The following ISL2 variants were observed in gnomAD, a reference collection of about 807,000 sequenced individuals.
ISL2 encodes the protein ISL LIM homeobox 2, also known as insulin gene enhancer protein ISL-2.
Under a neutral mutation model 34.6 loss-of-function variants are expected in ISL2, and 17 were observed. The ratio of observed to expected loss-of-function variants is 0.49; its 90% CI spans 0.34 to 0.74. The LOEUF is 0.74. ISL2 is among the 30% of genes least tolerant of loss of function. The pLI is 0.01. For synonymous variants in ISL2, 232 were observed against 225.5 expected (o/e 1.03, Z -0.26); for missense variants, 469 against 515.2 (o/e 0.91, Z 0.87).
chr15:76,338,868 AAT>A, intron 3 of ISL2: 1 of 985,282 alleles, frequency 1.0e-6, no homozygotes, highest in Non-Finnish European at 1.2e-6. Context: ...TTCTTGGAGG[AAT>A]ATGTGTTATT....
chr15:76,341,151 T>G lies in ISL2; in HGVS notation c.813T>G (p.Thr271=), dbSNP rs1262205260. ...HSDKTSLQGL[T]GTPLVAGSPI... is the part of the protein sequence containing the mutation. ...CCCCGCAGAGCCTTCAGGGACTGAC[T>G]GGGACGCCCCTGGTGGCGGGCAGTC... The change falls in exon 5 of 6, where the codon ACT becomes ACG. Residue 271 remains threonine, a synonymous_variant. Transcript: ENST00000290759. 4 of 1,609,170 alleles carry G rather than the reference T, an allele frequency of 2.5e-6. No homozygotes were observed. The highest frequency in any genetic ancestry group is 3.3e-5 in the Admixed American group (2 of 59,840).
intron 3 of ISL2, chr15:76,338,769 G>A (rs2040171921): frequency 2.0e-6 from 2 of 985,328 alleles, no homozygotes; most frequent in African/African-American, 1.7e-5. Flanking sequence ...CCATGACCAG[G>A]AACATGCAGG....
intron 2 of ISL2, 36 bp downstream of exon 2, chr15:76,338,003 C>A: frequency 6.6e-7 from 1 of 1,517,762 alleles, no homozygotes; most frequent in Non-Finnish European, 8.9e-7. Flanking sequence ...GGCCACCGCG[C>A]GCAGGGGCCG....
At position 76,341,813 on chromosome 15, in the gene ISL2, T is replaced by G; in HGVS notation, c.1058T>G (p.Val353Gly). The G allele has an allele frequency of 6.2e-7, 1 of 1,613,506 alleles. No individual in the cohort carries two copies. Among genetic ancestry groups the G allele is most frequent in the Non-Finnish European group, 8.5e-7 (1 of 1,179,830 alleles). Residue 353 changes from valine (V) to glycine (G), a missense_variant, in exon 6 of 6, where the codon GTG becomes GGG. This residue lies in a region of ISL2 where 169 missense variants were observed against 154.2 expected (regional missense o/e 1.10). Coordinates refer to ENST00000290759, the MANE Select transcript of ISL2 (RefSeq NM_145805.3). ...SQLPDTPNSMVPSPVET is the reference protein window; with the variant it reads ...SQLPDTPNSMGPSPVET The stretch of plus-strand genomic sequence containing the variant: ...CTCCCGGACACCCCCAACAGTATGG[T>G]GCCGAGTCCCGTGGAGACGTGAGGG...
chr15:76,337,175 G>T (rs1351930278), intron 1 of ISL2, among the ~76,000 whole-genome samples: 1 of 151,014 alleles, frequency 6.6e-6, no homozygotes, highest in East Asian at 1.9e-4. Flanking sequence ...ACTTCGGGCT[G>T]CGAAATCTGC....
rs114256230 is a variant in ISL2, at chr15:76,337,043, T to C, written c.58+102T>C. 1.5e-3 allele frequency: 1,586 copies of C among 1,049,626 alleles called. 19 individuals carry two copies. The African/African-American group carries it at 0.019, about 13-fold the overall frequency. The allele number at this position is 1,049,626 out of a possible 1,614,324, so 65.0% of individuals were successfully genotyped here. A position where few individuals can be genotyped will look rare whatever the true frequency, so the allele number is the denominator to read the frequency against. On this transcript the variant is annotated intron_variant, in intron 1 of 5. Transcript: ENST00000290759. ...TTTAGTGGATTCTACAAGTGGCTTC[T>C]ATTTGTCAGAATAGTTTAGGAGAGG...
At position 76,341,190 on chromosome 15, in the gene ISL2, G is replaced by A; in HGVS notation, c.852G>A (p.Glu284=). The A allele has an allele frequency of 1.9e-6, 3 of 1,613,010 alleles. No individual in the cohort carries two copies. The highest frequency in any genetic ancestry group is 1.3e-5 in the African/African-American group (1 of 75,074). Residue 284 remains glutamate (E), a synonymous_variant, in exon 5 of 6, where the codon GAG becomes GAA. Coordinates refer to ENST00000290759, the MANE Select transcript of ISL2 (RefSeq NM_145805.3). ...PLVAGSPIRH[E]NAVQGSAVEV... is the part of the protein sequence containing the mutation. ...TGGCGGGCAGTCCCATCCGCCATGA[G>A]AACGCCGTGCAGGGCAGCGCAGTGG...
At chr15:76,339,890 G>C (rs1177603101) in intron 3 of ISL2, 1 of 1,052,600 alleles carries the variant, frequency 9.5e-7, no homozygotes, top group African/African-American at 1.7e-5. Context: ...CCAGAGTCCT[G>C]GGCAAGCCTC....
At chr15:76,340,017 C>T in intron 3 of ISL2, 2 of 1,299,400 alleles carry the variant, frequency 1.5e-6, no homozygotes, top group Admixed American at 3.8e-5. Flanking sequence ...CGGCCTGTCG[C>T]CGAGCTCCCG....
chr15:76,339,996 C>T, intron 3 of ISL2: 1 of 1,281,926 alleles, frequency 7.8e-7, no homozygotes, highest in Non-Finnish European at 9.9e-7. Context: ...GCAGCCACTC[C>T]CTCCCCGCAG....
In ISL2 at chr15:76,341,307, G is replaced by A; in HGVS notation, c.963+6G>A. ...AACCCGCCTTCCAACAGCTGGTGAGGCCCTGCCCTACCCGCCCCGACCTCG... is the reference window on the plus strand; with the variant it reads ...AACCCGCCTTCCAACAGCTGGTGAGACCCTGCCCTACCCGCCCCGACCTCG... On this transcript the variant is annotated splice_donor_region_variant and intron_variant, in intron 5 of 5. Transcript: ENST00000290759. 6.3e-7 allele frequency: 1 copy of A among 1,584,386 alleles called. No homozygotes were observed. Among genetic ancestry groups the A allele is most frequent in the Admixed American group, 1.7e-5 (1 of 57,290 alleles).
At chr15:76,339,950 C>G in intron 3 of ISL2, 1 of 1,158,068 alleles carries the variant, frequency 8.6e-7, no homozygotes, top group Non-Finnish European at 1.1e-6. Context: ...TTCGCTCGTT[C>G]CGAGGGTCCT....
chr15:76,337,687 A>G, intron 1 of ISL2, 91 bp from the exon 2 acceptor site: 1 of 1,133,372 alleles, frequency 8.8e-7, no homozygotes, highest in Non-Finnish European at 1.2e-6. Flanking sequence ...AGAGCAAGAG[A>G]GCGAGCGGGT....
chr15:76,337,427 C>T, intron 1 of ISL2: 1 of 337,250 alleles, frequency 3.0e-6, no homozygotes, highest in Non-Finnish European at 5.4e-6. Flanking sequence ...GCCAGGACAG[C>T]ACCGTTAGGT....
At chr15:76,341,396 C>A in intron 5 of ISL2, 95 bp downstream of exon 5, 2 of 939,954 alleles carry the variant, frequency 2.1e-6, no homozygotes, top group South Asian at 1.6e-5. Flanking sequence ...TGGCCTTGGG[C>A]TGAGGGGCTG....
chr15:76,337,714 T>A (rs138217367), intron 1 of ISL2, 64 bp from the exon 2 acceptor site: 21,084 of 1,430,468 alleles, frequency 0.015, 208 homozygotes, highest in Middle Eastern at 0.02. Flanking sequence ...GGGGCTGGAG[T>A]AGCCGAGGCC....
At chr15:76,339,054 G>A (rs1299519698) in intron 3 of ISL2, 8 of 985,334 alleles carry the variant, frequency 8.1e-6, no homozygotes, top group East Asian at 1.1e-4. Flanking sequence ...CTGGGGGAGG[G>A]GGAGTATCAA....
intron 3 of ISL2, 198 bp downstream of exon 3, chr15:76,338,712 G>A (rs767497952): frequency 3.1e-5 from 31 of 985,326 alleles, no homozygotes; most frequent in African/African-American, 3.5e-5. Context: ...GAGAAACTGC[G>A]TGTGTATGAG....
chr15:76,339,250 G>T (rs563628631), intron 3 of ISL2: 11 of 985,374 alleles, frequency 1.1e-5, no homozygotes, highest in African/African-American at 1.7e-5. Context: ...TGGGCCTCTG[G>T]GTGCTGTGTG....
Sources: allele counts gnomAD v4.1 joint callset (sites outside exome capture counted in the v4.1 genomes callset), GRCh38; gene constraint gnomAD v4.1.1; regional missense constraint gnomAD v4.1.1; transcripts MANE v1.5; gene names NCBI Gene and HGNC (gene_info 2026-07-23, HGNC 2026-07-21).